The following CDH9 variants were observed in gnomAD, a reference collection of about 807,000 sequenced individuals.
CDH9 encodes the protein cadherin 9, also known as cadherin-9.
CDH9 carries 28 observed loss-of-function variants against 70.9 expected under a neutral mutation model. That is an observed-to-expected ratio of 0.40 (90% CI 0.29 to 0.54). CDH9 has a LOEUF of 0.54. CDH9 is among the 20% of genes least tolerant of loss of function. The pLI is 0.59. For synonymous variants in CDH9, 409 were observed against 343.1 expected, an observed-to-expected ratio of 1.19 and a Z score of -2.12; for missense variants, 874 against 984.4, an observed-to-expected ratio of 0.89 and a Z score of 1.50.
At chr5:27,013,147 A>G (rs1433402415) in intron 1 of CDH9, among the ~76,000 whole-genome samples, 1 of 151,936 alleles carries the variant, frequency 6.6e-6, no homozygotes, top group Admixed American at 6.6e-5. Context: ...ACCCAACTCA[A>G]TGTAAATGGT....
At chr5:26,908,123 C>T (rs1188078542) in intron 3 of CDH9, among the ~76,000 whole-genome samples, 1 of 152,124 alleles carries the variant, frequency 6.6e-6, no homozygotes, top group Non-Finnish European at 1.5e-5. Flanking sequence ...AACTTGAGCT[C>T]ATTCTCTTGA....
chr5:26,948,783 T>G (rs567881080), intron 2 of CDH9, among the ~76,000 whole-genome samples: 1 of 152,234 alleles, frequency 6.6e-6, no homozygotes, highest in Admixed American at 6.5e-5. Context: ...CTATTGACAA[T>G]GGGTGACAAA....
chr5:26,969,402 T>C (rs1742180393), intron 2 of CDH9, among the ~76,000 whole-genome samples: 2 of 152,128 alleles, frequency 1.3e-5, no homozygotes, highest in South Asian at 4.1e-4. Context: ...CATTTCACTA[T>C]TGTTTTAATA....
intron 7 of CDH9, among the ~76,000 whole-genome samples, chr5:26,901,915 A>G (rs1481067310): frequency 6.6e-6 from 1 of 151,970 alleles, no homozygotes; most frequent in African/African-American, 2.4e-5. Flanking sequence ...TTATGAGAAT[A>G]TAATTGACAT....
At chr5:26,931,115 A>C (rs1487391247) in intron 2 of CDH9, among the ~76,000 whole-genome samples, 2 of 152,170 alleles carry the variant, frequency 1.3e-5, no homozygotes, top group Non-Finnish European at 2.9e-5. Flanking sequence ...ATGTAAATTC[A>C]CTGTTTTTAG....
intron 1 of CDH9, among the ~76,000 whole-genome samples, chr5:27,000,070 TA>T (rs1171409926): frequency 6.6e-6 from 1 of 152,092 alleles, no homozygotes; most frequent in Non-Finnish European, 1.5e-5. Context: ...TTTTTTTGTG[TA>T]AAACAGTGTT....
intron 7 of CDH9, among the ~76,000 whole-genome samples, chr5:26,894,909 A>G (rs1740723299): frequency 6.6e-6 from 1 of 152,106 alleles, no homozygotes; most frequent in Non-Finnish European, 1.5e-5. Context: ...GAAAGAGAGC[A>G]CAAGGGCTCT....
chr5:26,949,490 A>G (rs1452691972), intron 2 of CDH9, among the ~76,000 whole-genome samples: 2 of 152,240 alleles, frequency 1.3e-5, no homozygotes, highest in African/African-American at 4.8e-5. Context: ...GCACAAGACA[A>G]CAAAACTCTT....
chr5:26,906,252 C>G, intron 4 of CDH9, 126 bp from the exon 5 acceptor site: 3 of 715,372 alleles, frequency 4.2e-6, no homozygotes, highest in Non-Finnish European at 6.9e-6. Context: ...TAAATATGTC[C>G]TTCAATCCAT....
chr5:27,002,144 T>G (rs1329137781), intron 1 of CDH9, among the ~76,000 whole-genome samples: 1 of 152,094 alleles, frequency 6.6e-6, no homozygotes, highest in Non-Finnish European at 1.5e-5. Context: ...AGAAGACATT[T>G]ATGCAGCCAA....
At chr5:26,913,247 C>T (rs1741084585) in intron 3 of CDH9, among the ~76,000 whole-genome samples, 1 of 151,888 alleles carries the variant, frequency 6.6e-6, no homozygotes, top group South Asian at 2.1e-4. Flanking sequence ...GGCAATTAAA[C>T]CAAATATAGT....
chr5:26,916,590 C>G (rs532763312), intron 2 of CDH9, among the ~76,000 whole-genome samples: 2 of 152,040 alleles, frequency 1.3e-5, no homozygotes, highest in African/African-American at 4.8e-5. Flanking sequence ...TAACCATATA[C>G]CGTAACAAAA....
chr5:26,928,117 C>G (rs2112020495), intron 2 of CDH9, among the ~76,000 whole-genome samples: 1 of 152,160 alleles, frequency 6.6e-6, no homozygotes, highest in Admixed American at 6.6e-5. Context: ...CACCAAAAAA[C>G]TGTTAGAACT....
intron 6 of CDH9, 76 bp downstream of exon 6, chr5:26,903,561 C>A: frequency 1.1e-6 from 1 of 944,638 alleles, no homozygotes; most frequent in Non-Finnish European, 1.8e-6. Flanking sequence ...AAATCCCAGG[C>A]TTTTTTTCCC....
chr5:26,900,812 C>T (rs1310228783), intron 7 of CDH9, among the ~76,000 whole-genome samples: 2 of 151,970 alleles, frequency 1.3e-5, no homozygotes, highest in Non-Finnish European at 2.9e-5. Context: ...TTTTTTGAAA[C>T]ATGACAAATA....
intron 2 of CDH9, among the ~76,000 whole-genome samples, chr5:26,931,859 G>T (rs1186770359): frequency 6.6e-6 from 1 of 151,984 alleles, no homozygotes; most frequent in African/African-American, 2.4e-5. Flanking sequence ...ACGAAAATTT[G>T]CAATCAGAAA....
chr5:26,956,824 T>C (rs927346102), intron 2 of CDH9, among the ~76,000 whole-genome samples: 2 of 152,118 alleles, frequency 1.3e-5, no homozygotes, highest in African/African-American at 4.8e-5. Context: ...GGATCACAGA[T>C]TAGACTGACA....
chr5:26,913,080 C>T (rs1352913184), intron 3 of CDH9, among the ~76,000 whole-genome samples: 4 of 152,130 alleles, frequency 2.6e-5, no homozygotes, highest in African/African-American at 9.7e-5. Flanking sequence ...ATCTCCTTTT[C>T]TTCCCAGTCT....
chr5:27,001,851 C>T (rs561466339), intron 1 of CDH9, among the ~76,000 whole-genome samples: 27 of 149,172 alleles, frequency 1.8e-4, no homozygotes, highest in Middle Eastern at 6.8e-3. Flanking sequence ...CACACTCTCT[C>T]TCTCTCTCTC....
Sources: gnomAD v4.1 joint callset for allele counts (sites outside exome capture counted in the v4.1 genomes callset) on GRCh38, gnomAD v4.1.1 for gene constraint, MANE v1.5 for transcripts, NCBI Gene and HGNC (gene_info 2026-07-23, HGNC 2026-07-21) for gene names.